Variants in EMCN observed in about 807,000 individuals in gnomAD.
The protein encoded by EMCN is MUC-14.
A neutral mutation model predicts 38.4 loss-of-function variants in EMCN; 37 were observed. The observed-to-expected ratio is 0.96, with a 90% CI of 0.74 to 1.27. The LOEUF is 1.27. EMCN is among the 50% of genes most tolerant of loss of function. EMCN has a pLI of 0.00. For missense variants in EMCN, 318 were observed against 302.8 expected, an observed-to-expected ratio of 1.05 and a Z score of -0.37; for synonymous variants, 95 against 100.8, an observed-to-expected ratio of 0.94 and a Z score of 0.35.
chr4:100,467,924 A>G (rs961619454), intron 3 of EMCN, among the ~76,000 whole-genome samples: 7 of 152,218 alleles, frequency 4.6e-5, no homozygotes, highest in Non-Finnish European at 1.0e-4. Context: ...ATTGCACTAT[A>G]ATCCTAGGCA....
At position 100,397,670 on chromosome 4, in the gene EMCN, C is replaced by T. The variant is rs545351992; in HGVS notation, c.*743G>A. On this transcript the variant is annotated 3_prime_UTR_variant, in exon 12 of 12. Transcript: ENST00000296420. ...ACCAAAGAACTGATAAATTACTCTC[C>T]CCCTAACAGTCTGATATGTGAATCG... 1 of 152,006 alleles carries T rather than the reference C, an allele frequency of 6.6e-6. No homozygotes were observed. Among genetic ancestry groups the T allele is most frequent in the African/African-American group, 2.4e-5 (1 of 41,388 alleles). The allele number at this position is 152,006 out of a possible 1,614,324, so 9.4% of individuals were successfully genotyped here.
chr4:100,406,448 G>A (rs949444760), intron 11 of EMCN, among the ~76,000 whole-genome samples: 2 of 152,042 alleles, frequency 1.3e-5, no homozygotes, highest in Non-Finnish European at 2.9e-5. Context: ...GCTTTCATTA[G>A]TTTTAAAGAA....
chr4:100,452,402 G>A (rs924208014), intron 4 of EMCN, among the ~76,000 whole-genome samples: 2 of 151,952 alleles, frequency 1.3e-5, no homozygotes, highest in Non-Finnish European at 2.9e-5. Context: ...TATTCACTGT[G>A]GTAGAAGAAA....
At chr4:100,423,114 T>G (rs764498761) in intron 6 of EMCN, 34 bp from the exon 7 acceptor site, 1 of 1,603,306 alleles carries the variant, frequency 6.2e-7, no homozygotes, top group Admixed American at 1.7e-5. Context: ...CACTTTTGGT[T>G]AATGTGTGCC....
At chr4:100,489,542 G>A (rs1578228270) in intron 1 of EMCN, among the ~76,000 whole-genome samples, 1 of 152,234 alleles carries the variant, frequency 6.6e-6, no homozygotes, top group Middle Eastern at 3.4e-3. Flanking sequence ...CATAGCTGTT[G>A]TAATGTTGCA....
intron 5 of EMCN, among the ~76,000 whole-genome samples, chr4:100,440,920 C>T (rs1342261421): frequency 6.6e-6 from 1 of 151,722 alleles, no homozygotes; most frequent in African/African-American, 2.4e-5. Flanking sequence ...CCCGTCTTGA[C>T]TAAAAATACA....
At chr4:100,514,388 C>T (rs1729702927) in intron 1 of EMCN, among the ~76,000 whole-genome samples, 1 of 152,046 alleles carries the variant, frequency 6.6e-6, no homozygotes, top group African/African-American at 2.4e-5. Flanking sequence ...TTCCTTAAAG[C>T]TCTTCCTAGA....
chr4:100,413,034 G>A (rs1726608794), intron 10 of EMCN, among the ~76,000 whole-genome samples: 2 of 152,120 alleles, frequency 1.3e-5, no homozygotes, highest in Non-Finnish European at 2.9e-5. Flanking sequence ...GCAGAGGGCT[G>A]TTTCCTTGGA....
chr4:100,399,855 G>A (rs72917601), intron 11 of EMCN, among the ~76,000 whole-genome samples: 2,173 of 151,954 alleles, frequency 0.014, 60 homozygotes, highest in African/African-American at 0.05. Context: ...GGGTTTTTTG[G>A]TACAGATTAT....
At chr4:100,416,058 CAT>C (rs371001814) in intron 9 of EMCN, 99 bp from the exon 10 acceptor site, 1,966 of 613,574 alleles carry the variant, frequency 3.2e-3, no homozygotes, top group Middle Eastern at 5.1e-3. Context: ...GATACATATG[CAT>C]ATATATATAT....
intron 1 of EMCN, among the ~76,000 whole-genome samples, chr4:100,492,374 G>T (rs1174505227): frequency 1.3e-5 from 2 of 151,898 alleles, no homozygotes; most frequent in East Asian, 1.9e-4. Context: ...AAAGAAAAAA[G>T]AATGAAAAAA....
intron 11 of EMCN, among the ~76,000 whole-genome samples, chr4:100,401,024 TATA>T (rs1424092516): frequency 2.6e-5 from 4 of 152,152 alleles, no homozygotes; most frequent in Admixed American, 6.6e-5. Flanking sequence ...ATGGCTATTT[TATA>T]ATAAGATTTC....
intron 8 of EMCN, among the ~76,000 whole-genome samples, chr4:100,420,526 A>C (rs1034637418): frequency 6.6e-5 from 10 of 152,010 alleles, no homozygotes; most frequent in African/African-American, 2.2e-4. Context: ...AATTACGGTA[A>C]CATGACAGCT....
At chr4:100,462,149 T>C (rs776619172) in intron 4 of EMCN, among the ~76,000 whole-genome samples, 2 of 152,088 alleles carry the variant, frequency 1.3e-5, no homozygotes, top group Non-Finnish European at 1.5e-5. Flanking sequence ...AATAATAAAT[T>C]CTAAAAAATT....
intron 11 of EMCN, among the ~76,000 whole-genome samples, chr4:100,408,345 T>C (rs1318079200): frequency 1.3e-5 from 2 of 152,202 alleles, no homozygotes; most frequent in Non-Finnish European, 2.9e-5. Flanking sequence ...CTCACCTATG[T>C]GGACTGATGT....
intron 5 of EMCN, among the ~76,000 whole-genome samples, chr4:100,442,423 T>C (rs1727548465): frequency 6.6e-6 from 1 of 152,220 alleles, no homozygotes; most frequent in African/African-American, 2.4e-5. Context: ...AATCCAAATG[T>C]CTATATCTCT....
intron 1 of EMCN, among the ~76,000 whole-genome samples, chr4:100,498,229 C>T (rs1482183446): frequency 6.6e-6 from 1 of 152,028 alleles, no homozygotes; most frequent in African/African-American, 2.4e-5. Context: ...ATTTACACAT[C>T]TATATCATTT....
At chr4:100,496,586 T>C (rs1045383866) in intron 1 of EMCN, among the ~76,000 whole-genome samples, 12 of 152,072 alleles carry the variant, frequency 7.9e-5, no homozygotes, top group Non-Finnish European at 1.6e-4. Context: ...GTAATAGAAA[T>C]AACTACAAAA....
intron 5 of EMCN, chr4:100,446,114 C>A: frequency 1.0e-6 from 1 of 985,360 alleles, no homozygotes; most frequent in Non-Finnish European, 1.2e-6. Flanking sequence ...TCAACTCTGA[C>A]TTCTCCTTGA....
Sources: gnomAD v4.1 joint callset for allele counts (sites outside exome capture counted in the v4.1 genomes callset) on GRCh38, gnomAD v4.1.1 for gene constraint, MANE v1.5 for transcripts, NCBI Gene and HGNC (gene_info 2026-07-23, HGNC 2026-07-21) for gene names.